NRXN3: variants seen among roughly 807,000 people sequenced by gnomAD.
NRXN3 encodes neurexin 3.
Under a neutral mutation model 137.6 loss-of-function variants are expected in NRXN3, and 32 were observed. The ratio of observed to expected loss-of-function variants is 0.23; its 90% CI spans 0.18 to 0.31. NRXN3 has a LOEUF of 0.31. Among genes scored for constraint, NRXN3 ranks in the 10% least tolerant of loss-of-function variants. The pLI, the probability that NRXN3 is intolerant of heterozygous loss-of-function variation, is 1.00. For synonymous variants in NRXN3, 798 were observed against 784.5 expected (o/e 1.02, Z -0.29); for missense variants, 1,574 against 2,062.5 (o/e 0.76, Z 4.59).
At chr14:78,635,968 C>T (rs1453494080) in intron 4 of NRXN3, among the ~76,000 whole-genome samples, 2 of 152,086 alleles carry the variant, frequency 1.3e-5, no homozygotes, top group African/African-American at 2.4e-5. Context: ...TCATGTGGCT[C>T]CAGATGTGCC....
intron 2 of NRXN3, among the ~76,000 whole-genome samples, chr14:78,257,145 T>C (rs868730534): frequency 7.2e-5 from 11 of 152,242 alleles, no homozygotes; most frequent in African/African-American, 1.9e-4. Flanking sequence ...TCATTTTTGG[T>C]ATGAAAACCA....
intron 16 of NRXN3, among the ~76,000 whole-genome samples, chr14:79,531,660 G>A (rs1235229108): frequency 6.6e-6 from 1 of 152,162 alleles, no homozygotes; most frequent in Non-Finnish European, 1.5e-5. Context: ...TCTAGGTCAT[G>A]ATCTTTAGTA....
At chr14:79,183,866 C>G (rs2063220312) in intron 15 of NRXN3, among the ~76,000 whole-genome samples, 1 of 152,214 alleles carries the variant, frequency 6.6e-6, no homozygotes, top group Non-Finnish European at 1.5e-5. Context: ...AACACCTTGT[C>G]TGTGAATAGA....
chr14:79,753,734 A>G (rs2099007575), intron 19 of NRXN3, among the ~76,000 whole-genome samples: 1 of 151,790 alleles, frequency 6.6e-6, no homozygotes, highest in African/African-American at 2.4e-5. Context: ...AATAATAATA[A>G]TAAAAAGAAA....
intron 5 of NRXN3, among the ~76,000 whole-genome samples, chr14:78,648,028 C>A (rs2097703876): frequency 6.6e-6 from 1 of 152,168 alleles, no homozygotes; most frequent in Admixed American, 6.5e-5. Flanking sequence ...CCAAATGGAG[C>A]AGAAGTCTCC....
At position 79,520,432 on chromosome 14, in the gene NRXN3, C is replaced by G. The variant is rs567751649; in HGVS notation, c.3444+53030C>G. ...TCTACATTAGGTATTTCACCTAATG[C>G]TGTCCCTCCCCTAGCCCTCTACCCT... On this transcript the variant is annotated intron_variant, in intron 16 of 20. Transcript: ENST00000335750. Among the ~76,000 whole-genome samples, 10 of 152,276 alleles carry G rather than the reference C, an allele frequency of 6.6e-5. No homozygotes were observed. In the South Asian group the frequency reaches 2.1e-3, roughly 32 times the overall value.
At chr14:79,181,027 T>TAG (rs1297758744) in intron 15 of NRXN3, among the ~76,000 whole-genome samples, 89 of 147,660 alleles carry the variant, frequency 6.0e-4, no homozygotes, top group African/African-American at 2.2e-3. Flanking sequence ...TAAATATGTA[T>TAG]AGATGTGTGT....
chr14:79,719,992 A>G lies in NRXN3; in HGVS notation c.4014+22055A>G, dbSNP rs565718782. On this transcript the variant is annotated intron_variant, in intron 19 of 20. Coordinates refer to ENST00000335750, the MANE Select transcript of NRXN3 (RefSeq NM_001330195.2). ...CACTTTATCTACCTGGAAAAGTAAT[A>G]ATCCCTCAAGACTAAGTTGAAATAT... 4.3e-4 allele frequency among the ~76,000 whole-genome samples: 66 copies of G among 152,206 alleles called. 1 individual carries two copies. The highest frequency in any genetic ancestry group is 1.5e-3 in the African/African-American group (62 of 41,554).
chr14:79,555,532 A>T (rs1026504724), intron 16 of NRXN3, among the ~76,000 whole-genome samples: 6 of 152,156 alleles, frequency 3.9e-5, no homozygotes, highest in African/African-American at 7.2e-5. Context: ...AGTTTATTCT[A>T]GTATAATAGG....
chr14:78,591,582 T>C (rs957717702), intron 4 of NRXN3, among the ~76,000 whole-genome samples: 4 of 152,354 alleles, frequency 2.6e-5, no homozygotes, highest in South Asian at 4.1e-4. Context: ...CCTGGTTCTA[T>C]GATGCGATGT....
chr14:79,769,447 G>A (rs1470103673), intron 19 of NRXN3, among the ~76,000 whole-genome samples: 1 of 152,174 alleles, frequency 6.6e-6, no homozygotes, highest in African/African-American at 2.4e-5. Flanking sequence ...CTACAAGCCA[G>A]AAGAGAGTGG....
At chr14:78,353,241 G>T (rs2083808172) in intron 4 of NRXN3, among the ~76,000 whole-genome samples, 1 of 152,164 alleles carries the variant, frequency 6.6e-6, no homozygotes, top group African/African-American at 2.4e-5. Flanking sequence ...ACTTTTCACT[G>T]CAGTGCTCTC....
At chr14:78,607,525 C>T (rs545946289) in intron 4 of NRXN3, among the ~76,000 whole-genome samples, 20 of 152,282 alleles carry the variant, frequency 1.3e-4, no homozygotes, top group Admixed American at 1.1e-3. Flanking sequence ...ACAGTGCCTT[C>T]TTTGGGTCAA....
intron 10 of NRXN3, among the ~76,000 whole-genome samples, chr14:78,811,486 G>T (rs564108955): frequency 6.6e-6 from 1 of 152,296 alleles, no homozygotes; most frequent in East Asian, 1.9e-4. Flanking sequence ...CATCCTACAT[G>T]CAAAGGAAGC....
intron 15 of NRXN3, among the ~76,000 whole-genome samples, chr14:79,260,348 A>C (rs2077412445): frequency 6.6e-6 from 1 of 152,194 alleles, no homozygotes; most frequent in South Asian, 2.1e-4. Context: ...TTGGGATGCT[A>C]GCAGGTGGGA....
At chr14:79,778,423 A>AAAAACAAAAC (rs1181604445) in intron 19 of NRXN3, among the ~76,000 whole-genome samples, 1 of 152,212 alleles carries the variant, frequency 6.6e-6, no homozygotes, top group Non-Finnish European at 1.5e-5. Context: ...CTCAAAACAA[A>AAAAACAAAAC]AAAACAAAAC....
chr14:78,245,883 G>C (rs1309597750), intron 2 of NRXN3, among the ~76,000 whole-genome samples: 1 of 152,172 alleles, frequency 6.6e-6, no homozygotes, highest in East Asian at 1.9e-4. Context: ...AAGGGGTGGG[G>C]AAGAGGCAAC....
chr14:79,067,082 G>A (rs1429607432), intron 15 of NRXN3, among the ~76,000 whole-genome samples: 1 of 152,034 alleles, frequency 6.6e-6, no homozygotes, highest in Admixed American at 6.6e-5. Flanking sequence ...TTGCCCTGCA[G>A]TATGATATTG....
At chr14:78,293,670 A>G (rs1315795601) in intron 3 of NRXN3, among the ~76,000 whole-genome samples, 1 of 152,188 alleles carries the variant, frequency 6.6e-6, no homozygotes, top group East Asian at 1.9e-4. Flanking sequence ...GTATTGCAAA[A>G]ATAATCTTCT....
Sources: allele counts gnomAD v4.1 joint callset (sites outside exome capture counted in the v4.1 genomes callset), GRCh38; gene constraint gnomAD v4.1.1; transcripts MANE v1.5; gene names NCBI Gene and HGNC (gene_info 2026-07-23, HGNC 2026-07-21).